ENGASE: variants seen among roughly 807,000 people sequenced by gnomAD.
ENGASE encodes the protein cytosolic endo-beta-N-acetylglucosaminidase.
A neutral mutation model predicts 78.5 loss-of-function variants in ENGASE; 69 were observed. That is an observed-to-expected ratio of 0.88 (90% CI 0.72 to 1.07). The LOEUF (loss-of-function observed/expected upper bound fraction) is 1.07. Among genes scored for constraint, ENGASE ranks in the 50% least tolerant of loss-of-function variants. The pLI is 0.00. For synonymous variants in ENGASE, 408 were observed against 408.9 expected (o/e 1.00, Z 0.03); for missense variants, 943 against 988.4 (o/e 0.95, Z 0.62).
rs2073221620 is a variant in ENGASE, at chr17:79,084,028, G to T, written c.1442+77G>T. ...GGTGGCCATGGAACTGGACAGATGG[G>T]GCAGTGGAGGCCAGAACAAGGACAG... On this transcript the variant is annotated intron_variant, in intron 10 of 13. Transcript: ENST00000579016. 1.9e-5 allele frequency: 25 copies of T among 1,291,318 alleles called. No individual in the cohort carries two copies. In the South Asian group the frequency reaches 2.8e-4, roughly 15 times the overall value. 80.0% of individuals were successfully genotyped at this position (1,291,318 alleles called of 1,614,324 possible).
intron 7 of ENGASE, chr17:79,082,307 C>G (rs1403138136): frequency 7.1e-7 from 1 of 1,417,040 alleles, no homozygotes; most frequent in East Asian, 2.9e-5. Context: ...TGTTACCAGA[C>G]AGAGGCGCGT....
intron 3 of ENGASE, among the ~76,000 whole-genome samples, chr17:79,078,966 A>G (rs1310220802): frequency 1.1e-4 from 17 of 152,204 alleles, no homozygotes; most frequent in Non-Finnish European, 1.0e-4. Flanking sequence ...GCAATGGCAG[A>G]TGCCTGATGC....
Position 79,085,685 on chromosome 17 carries a change from C to G in ENGASE, c.1766C>G (p.Pro589Arg). 9.3e-6 allele frequency: 15 copies of G among 1,613,928 alleles called. No homozygotes were observed. Among genetic ancestry groups the G allele is most frequent in the Non-Finnish European group, 1.3e-5 (15 of 1,179,996 alleles). ...CTCCTCGTTTGCTTCTCACGGCCGC[C>G]GGGTAGTCGGGAGGAGGAGAGCTTC... ...LDLLVCFSRP[P>R]GSREEESFTC... is the part of the protein sequence containing the mutation. Residue 589 changes from proline (P) to arginine (R), a missense_variant, in exon 13 of 14, where the codon CCG becomes CGG. Physicochemically the swap from Pro to Arg is moderately radical, Grantham distance 103. Transcript: ENST00000579016.
In ENGASE at chr17:79,087,017, T is replaced by A. The variant is rs774447651; in HGVS notation, c.*668T>A. 11 of 502,870 alleles carry A rather than the reference T, an allele frequency of 2.2e-5. No homozygotes were observed. The highest frequency in any genetic ancestry group is 3.2e-5 in the Non-Finnish European group (8 of 252,486). 31.2% of individuals were successfully genotyped at this position (502,870 alleles called of 1,614,324 possible). On this transcript the variant is annotated 3_prime_UTR_variant, in exon 14 of 14. Transcript: ENST00000579016. The stretch of plus-strand genomic sequence containing the variant: ...TGGCAATTTACTGTGCTGCTGAGTG[T>A]GAGGTCATCTCCGGAGCGTTTTCAG...
chr17:79,081,659 C>G (rs942540761), intron 6 of ENGASE, among the ~76,000 whole-genome samples: 1 of 151,754 alleles, frequency 6.6e-6, no homozygotes, highest in Admixed American at 6.6e-5. Flanking sequence ...GCAGGTGCCT[C>G]TGAGATCTAG....
rs1158294280 is a variant in ENGASE, at chr17:79,079,537, G to A, written c.465G>A (p.Trp155Ter). The part of the protein sequence containing the change: ...VVQTPYAFYH[W>*]QCIDVFVYFS... ...AGACTCCCTATGCTTTCTACCACTG[G>A]CAGTGCATCGACGTCTTTGTGTACT... The change falls in exon 4 of 14, where the codon TGG becomes TGA. Residue 155 changes from tryptophan (W) to a stop codon, truncating the protein, a stop_gained. Transcript: ENST00000579016. LOFTEE classifies it high-confidence loss of function. 6.2e-7 allele frequency: 1 copy of A among 1,613,940 alleles called. No homozygotes were observed. The highest frequency in any genetic ancestry group is 8.5e-7 in the Non-Finnish European group (1 of 1,180,024).
In ENGASE at chr17:79,083,408, C is replaced by T. The variant is rs1568092097; in HGVS notation, c.1143-74C>T. The T allele has an allele frequency of 3.3e-6, 4 of 1,200,160 alleles. No individual in the cohort carries two copies. In the East Asian group the frequency reaches 9.8e-5, roughly 29 times the overall value. The allele number at this position is 1,200,160 out of a possible 1,614,324, so 74.3% of individuals were successfully genotyped here. A position where few individuals can be genotyped will look rare whatever the true frequency, so the allele number is the denominator to read the frequency against. On this transcript the variant is annotated intron_variant, in intron 8 of 13. Coordinates refer to ENST00000579016, the MANE Select transcript of ENGASE (RefSeq NM_001042573.3). The surrounding 1 kb of genome is among the most constrained non-coding windows in gnomAD (Gnocchi z 4.9). ...GTGCAGGAGAGCCTCGAGTTTCCAC[C>T]AGCAAGTTTGAGGGACACTGAGAGG...
chr17:79,086,093 G>A lies in ENGASE; in HGVS notation c.1976G>A (p.Arg659His), dbSNP rs763577151. 8.1e-6 allele frequency: 13 copies of A among 1,613,654 alleles called. No homozygotes were observed. The highest frequency in any genetic ancestry group is 1.1e-5 in the South Asian group (1 of 91,084). ...TGGTCCTTCCTCCTCTCACAAGTCC[G>A]TTGCTTCCGAATCCACTGCTGGGGA... Reference protein sequence around the residue: ...LHWSFLLSQVRCFRIHCWGGM... With the variant: ...LHWSFLLSQVHCFRIHCWGGM... Residue 659 changes from arginine (R) to histidine (H), a missense_variant, in exon 14 of 14, where the codon CGT (arginine) becomes CAT (histidine). By Grantham distance (29) the Arg-to-His change is conservative (BLOSUM62 0). Transcript: ENST00000579016.
chr17:79,086,346 A>G lies in ENGASE; in HGVS notation c.2229A>G (p.Ala743=), dbSNP rs368394603. 4.4e-6 allele frequency: 7 copies of G among 1,608,722 alleles called. No homozygotes were observed. In the African/African-American group the frequency reaches 8.0e-5, roughly 18 times the overall value. Residue 743 remains alanine (A), a synonymous_variant, in exon 14 of 14, where the codon GCA becomes GCG. Transcript: ENST00000579016. ...GRAVLLYSAP[A] The stretch of plus-strand genomic sequence containing the variant: ...CAGTTCTGCTTTATTCAGCCCCTGC[A>G]TGAGCGGATGCTAAGGCCGGGTGGT...
chr17:79,086,027 A>T lies in ENGASE; in HGVS notation c.1910A>T (p.Glu637Val). 6.2e-7 allele frequency: 1 copy of T among 1,612,786 alleles called. No homozygotes were observed. Among genetic ancestry groups the T allele is most frequent in the Non-Finnish European group, 8.5e-7 (1 of 1,179,998 alleles). The change falls in exon 14 of 14, where the codon GAG (glutamate) becomes GTG (valine). Residue 637 changes from glutamate (E) to valine (V), a missense_variant. By Grantham distance (121) the Glu-to-Val change is moderately radical. Coordinates refer to ENST00000579016, the MANE Select transcript of ENGASE (RefSeq NM_001042573.3). ...IRWQPSASER[E>V]GPPALLQLSC... is the part of the protein sequence containing the mutation. ...TGGCAGCCATCCGCCTCTGAGCGGG[A>T]GGGGCCCCCTGCTCTGCTCCAGCTC...
rs2073385849 is a variant in ENGASE, at chr17:79,088,148, GCATGTA to G, written c.*1800_*1805del. ...CGGCAGGTGAACACAAGCGGCTGCC[GCATGTA>G]GCCACTCACTCGACTTTTTTTCAGC... On this transcript the variant is annotated 3_prime_UTR_variant, in exon 14 of 14. Transcript: ENST00000579016. 1 of 152,188 alleles carries G rather than the reference GCATGTA, an allele frequency of 6.6e-6. No homozygotes were observed. The highest frequency in any genetic ancestry group is 1.5e-5 in the Non-Finnish European group (1 of 68,070). 9.4% of individuals were successfully genotyped at this position (152,188 alleles called of 1,614,324 possible).
chr17:79,085,867 T>C, intron 13 of ENGASE, 66 bp from the exon 14 acceptor site: 1 of 1,577,478 alleles, frequency 6.3e-7, no homozygotes, highest in Non-Finnish European at 8.6e-7. Flanking sequence ...AGGGGAAATG[T>C]GTGCGTGGGG....
Position 79,084,636 on chromosome 17 carries a change from C to T in ENGASE, c.1541C>T (p.Thr514Ile). The T allele has an allele frequency of 6.2e-7, 1 of 1,613,386 alleles. No individual in the cohort carries two copies. Among genetic ancestry groups the T allele is most frequent in the Non-Finnish European group, 8.5e-7 (1 of 1,179,786 alleles). The change falls in exon 11 of 14, where the codon ACC becomes ATC. Residue 514 changes from threonine (T) to isoleucine (I), a missense_variant. By Grantham distance (89) the Thr-to-Ile change is moderately conservative. Coordinates refer to ENST00000579016, the MANE Select transcript of ENGASE (RefSeq NM_001042573.3). ...GACGTCACAGTTGCTTTGGAGCTGA[C>T]CACAGGGGATGCCGGCAGCTGCCAC... ...PTDVTVALEL[T>I]TGDAGSCHIG...
Position 79,077,672 on chromosome 17 carries a change from A to G in ENGASE, c.224A>G (p.Tyr75Cys), listed in dbSNP as rs1356390308. Residue 75 changes from tyrosine (Y) to cysteine (C), a missense_variant, in exon 3 of 14, where the codon TAT (tyrosine) becomes TGT (cysteine). Coordinates refer to ENST00000579016, the MANE Select transcript of ENGASE (RefSeq NM_001042573.3). ...TCTGTCCTCGGACCAGTTAGATATT[A>G]TGACAAGGACACCACCAAACCAATC... is the stretch of plus-strand genomic sequence containing the variant. ...FSPDPLPVRYYDKDTTKPISF... is the reference protein window; with the variant it reads ...FSPDPLPVRYCDKDTTKPISF... 6.2e-7 allele frequency: 1 copy of G among 1,614,124 alleles called. No homozygotes were observed. The highest frequency in any genetic ancestry group is 8.5e-7 in the Non-Finnish European group (1 of 1,180,054).
At position 79,074,959 on chromosome 17, in the gene ENGASE, G is replaced by A. The variant is rs747268307; in HGVS notation, c.15G>A (p.Ala5=). Residue 5 remains alanine (A), a synonymous_variant, in exon 1 of 14, where the codon GCG becomes GCA. Transcript: ENST00000579016. MEAA[A]VTVTRSATRR... ...CGGACAGTGTCATGGAGGCCGCGGC[G>A]GTGACGGTCACCCGGTCGGCTACAC... is the stretch of plus-strand genomic sequence containing the variant. 3.2e-6 allele frequency: 4 copies of A among 1,255,580 alleles called. No homozygotes were observed. In the African/African-American group the frequency reaches 4.6e-5, roughly 14 times the overall value. The allele number at this position is 1,255,580 out of a possible 1,614,324, so 77.8% of individuals were successfully genotyped here.
Position 79,074,842 on chromosome 17 carries a change from C to T in ENGASE, c.-103C>T, listed in dbSNP as rs919987590. 20 of 1,203,182 alleles carry T rather than the reference C, an allele frequency of 1.7e-5. No homozygotes were observed. The South Asian group carries it at 6.6e-4, about 40-fold the overall frequency. The allele number at this position is 1,203,182 out of a possible 1,614,324, so 74.5% of individuals were successfully genotyped here. A position where few individuals can be genotyped will look rare whatever the true frequency, so the allele number is the denominator to read the frequency against. The stretch of plus-strand genomic sequence containing the variant: ...GCTGGCCGGGAGTCAGCTCGGAGTC[C>T]CGTCCCAGCGCGGCGTCAGCGCTGC... On this transcript the variant is annotated 5_prime_UTR_variant, in exon 1 of 14. Transcript: ENST00000579016.
At chr17:79,082,237 T>C in intron 7 of ENGASE, 174 bp downstream of exon 7, 1 of 1,543,968 alleles carries the variant, frequency 6.5e-7, no homozygotes. Context: ...CCAAGCTATG[T>C]CCCCACTGAA....
intron 5 of ENGASE, among the ~76,000 whole-genome samples, chr17:79,080,630 G>T (rs547962944): frequency 6.6e-6 from 1 of 152,146 alleles, no homozygotes; most frequent in African/African-American, 2.4e-5. Context: ...TTCCTTTTCC[G>T]CGCTCTGCTC....
In ENGASE at chr17:79,086,979, T is replaced by C. The variant is rs1489934810; in HGVS notation, c.*630T>C. The C allele has an allele frequency of 2.0e-6, 1 of 504,288 alleles. No homozygotes were observed. Among genetic ancestry groups the C allele is most frequent in the Non-Finnish European group, 3.9e-6 (1 of 253,310 alleles). 31.2% of individuals were successfully genotyped at this position (504,288 alleles called of 1,614,324 possible). ...ACGTGGGCCAGCCCCAGCTGCTCCG[T>C]GTTTCCTGGCGTTGGCAATTTACTG... On this transcript the variant is annotated 3_prime_UTR_variant, in exon 14 of 14. Coordinates refer to ENST00000579016, the MANE Select transcript of ENGASE (RefSeq NM_001042573.3).
Sources: gnomAD v4.1 joint callset for allele counts (sites outside exome capture counted in the v4.1 genomes callset) on GRCh38, gnomAD v4.1.1 for gene constraint, Gnocchi (gnomAD v3.1) non-coding constraint, MANE v1.5 for transcripts, NCBI Gene and HGNC (gene_info 2026-07-23, HGNC 2026-07-21) for gene names.